CLDN14: variants seen among roughly 807,000 people sequenced by gnomAD.
CLDN14 encodes claudin-14.
A neutral mutation model predicts 2.1 loss-of-function variants in CLDN14; 2 were observed. The observed-to-expected ratio is 0.96, with a 90% CI of 0.39 to 3.01. The LOEUF (loss-of-function observed/expected upper bound fraction) is 3.01, where lower values mean the gene tolerates loss of function less well. Ranked by LOEUF, CLDN14 falls within the 30% of genes most tolerant of loss-of-function variation. The pLI is 0.09. For synonymous variants in CLDN14, 136 were observed against 154.4 expected, an observed-to-expected ratio of 0.88 and a Z score of 0.88; for missense variants, 298 against 328.0, an observed-to-expected ratio of 0.91 and a Z score of 0.71.
chr21:36,482,371 CGGATGGATGGAT>C (rs59947271), upstream of CLDN14, among the ~76,000 whole-genome samples: 2 of 137,092 alleles, frequency 1.5e-5, no homozygotes, highest in Admixed American at 7.2e-5. Context: ...GATAGACTGA[CGGATGGATGGAT>C]GGATGGATGG....
At chr21:36,492,278 C>CAAA (rs1295522711) in intron 2 of CLDN14, among the ~76,000 whole-genome samples, 4 of 141,442 alleles carry the variant, frequency 2.8e-5, no homozygotes, top group African/African-American at 1.1e-4. Flanking sequence ...ACTAAAAATA[C>CAAA]AAAAAATTAG....
Position 36,498,063 on chromosome 21 carries a change from A to G in CLDN14, c.-82+12300T>C, listed in dbSNP as rs1383780017. Among the ~76,000 whole-genome samples the G allele has an allele frequency of 1.3e-5, 2 of 151,258 alleles. No homozygotes were observed. The highest frequency in any genetic ancestry group is 3.9e-4 in the East Asian group (2 of 5,158). On this transcript the variant is annotated intron_variant, in intron 2 of 2. Transcript: ENST00000342108. The surrounding 1 kb of genome is among the most constrained non-coding windows in gnomAD (Gnocchi z 4.9). Reference sequence around the variant, plus strand: ...TGCCCAGGCTGGAGTGCAGTGGTGCAATCTTGGCTCACTGCAACCTCCACC... The same window carrying G: ...TGCCCAGGCTGGAGTGCAGTGGTGCGATCTTGGCTCACTGCAACCTCCACC...
intron 1 of CLDN14, among the ~76,000 whole-genome samples, chr21:36,553,384 GAGGAAC>G (rs1201161990): frequency 6.6e-6 from 1 of 152,196 alleles, no homozygotes; most frequent in Non-Finnish European, 1.5e-5. Context: ...ATGCCCACCT[GAGGAAC>G]AGGCCCCTGG....
At chr21:36,511,582 C>T (rs988478488) in intron 1 of CLDN14, among the ~76,000 whole-genome samples, 12 of 152,096 alleles carry the variant, frequency 7.9e-5, no homozygotes, top group Non-Finnish European at 1.8e-4. Flanking sequence ...TTCTAGGTTT[C>T]CTGTCTGGCC....
intron 2 of CLDN14, among the ~76,000 whole-genome samples, chr21:36,495,630 C>T (rs933804698): frequency 3.9e-5 from 6 of 152,254 alleles, no homozygotes; most frequent in South Asian, 2.1e-4. Flanking sequence ...TCCCTCCTGA[C>T]AGCCTGGAGC....
At chr21:36,504,262 C>T (rs765044218) in intron 2 of CLDN14, among the ~76,000 whole-genome samples, 11 of 151,766 alleles carry the variant, frequency 7.2e-5, no homozygotes, top group Admixed American at 5.3e-4. Flanking sequence ...ATCACTTAAG[C>T]CTAGAAGTTT....
chr21:36,553,960 G>A (rs867237751), intron 1 of CLDN14, among the ~76,000 whole-genome samples: 15 of 152,102 alleles, frequency 9.9e-5, no homozygotes, highest in Non-Finnish European at 1.8e-4. Context: ...TAGCGTCCTC[G>A]ACAGTCCTGG....
At chr21:36,463,636 C>A (rs945895158) in intron 1 of CLDN14, among the ~76,000 whole-genome samples, 1 of 152,156 alleles carries the variant, frequency 6.6e-6, no homozygotes, top group South Asian at 2.1e-4. Context: ...TCGCTTGAAC[C>A]GGGAGGCGGA....
At chr21:36,520,083 A>G (rs2087258813) in intron 1 of CLDN14, among the ~76,000 whole-genome samples, 1 of 152,166 alleles carries the variant, frequency 6.6e-6, no homozygotes, top group African/African-American at 2.4e-5. Context: ...GGCCTCCTCC[A>G]GGGAGGATCC....
intron 1 of CLDN14, among the ~76,000 whole-genome samples, chr21:36,511,127 C>A (rs549628918): frequency 6.6e-6 from 1 of 152,084 alleles, no homozygotes; most frequent in African/African-American, 2.4e-5. Flanking sequence ...GGAGGCAGGC[C>A]GGGGAGCCTC....
At chr21:36,488,339 T>G (rs1164888733) in intron 2 of CLDN14, among the ~76,000 whole-genome samples, 1 of 151,494 alleles carries the variant, frequency 6.6e-6, no homozygotes, top group Non-Finnish European at 1.5e-5. Flanking sequence ...TGGCGGGATC[T>G]CAGTTCACTG....
intron 1 of CLDN14, among the ~76,000 whole-genome samples, chr21:36,469,518 A>G (rs960141796): frequency 6.6e-6 from 1 of 152,266 alleles, no homozygotes; most frequent in Non-Finnish European, 1.5e-5. Flanking sequence ...AATGTGAAGT[A>G]TCTTACTCAA....
chr21:36,460,960 A>G lies in CLDN14; in HGVS notation c.*16T>C, dbSNP rs1412781836. ...CCAGCCCACAGCAGCCCAGGGGAGA[A>G]GCAGGCTGTGGGGACTCACACGTAG... On this transcript the variant is annotated 3_prime_UTR_variant, in exon 2 of 2. Transcript: ENST00000399135. The surrounding 1 kb of genome is among the most constrained non-coding windows in gnomAD (Gnocchi z 4.0). 6.2e-7 allele frequency: 1 copy of G among 1,610,616 alleles called. No individual in the cohort carries two copies. Among genetic ancestry groups the G allele is most frequent in the Admixed American group, 1.7e-5 (1 of 59,782 alleles).
At chr21:36,530,352 C>T (rs866886802) in intron 1 of CLDN14, among the ~76,000 whole-genome samples, 3 of 152,246 alleles carry the variant, frequency 2.0e-5, no homozygotes, top group Admixed American at 1.3e-4. Flanking sequence ...CACAGAGATC[C>T]GGGCCACATG....
intron 1 of CLDN14, among the ~76,000 whole-genome samples, chr21:36,512,957 A>C (rs1056592107): frequency 2.6e-5 from 4 of 152,220 alleles, no homozygotes; most frequent in African/African-American, 9.6e-5. Context: ...CAAGTACATG[A>C]TTGATGCCAA....
chr21:36,517,061 A>T (rs566635675), intron 1 of CLDN14, among the ~76,000 whole-genome samples: 2 of 151,864 alleles, frequency 1.3e-5, no homozygotes, highest in Admixed American at 1.3e-4. Flanking sequence ...GCTGGTCTCG[A>T]ACTCCTGACC....
chr21:36,508,607 C>A (rs1420129572), intron 2 of CLDN14, among the ~76,000 whole-genome samples: 1 of 152,108 alleles, frequency 6.6e-6, no homozygotes, highest in Non-Finnish European at 1.5e-5. Context: ...AAGCACAGAG[C>A]CATCCTCTAC....
At chr21:36,478,069 A>AT (rs1470289427) in intron 1 of CLDN14, among the ~76,000 whole-genome samples, 1 of 152,336 alleles carries the variant, frequency 6.6e-6, no homozygotes, top group South Asian at 2.1e-4. Flanking sequence ...CAACAGAATG[A>AT]TTTTTTTAAA....
intron 1 of CLDN14, among the ~76,000 whole-genome samples, chr21:36,522,874 C>T (rs2087282583): frequency 6.6e-6 from 1 of 152,078 alleles, no homozygotes; most frequent in Admixed American, 6.5e-5. Flanking sequence ...CTTCAATGCC[C>T]TGCCATTGGC....
Sources: gnomAD v4.1 joint callset for allele counts (sites outside exome capture counted in the v4.1 genomes callset) on GRCh38, gnomAD v4.1.1 for gene constraint, Gnocchi (gnomAD v3.1) non-coding constraint, MANE v1.5 for transcripts, NCBI Gene and HGNC (gene_info 2026-07-23, HGNC 2026-07-21) for gene names.